UBA5: variants seen among roughly 807,000 people sequenced by gnomAD.
UBA5 encodes the protein ubiquitin like modifier activating enzyme 5.
In UBA5, 28 loss-of-function variants were observed where a neutral mutation model predicts 52.9. The ratio of observed to expected loss-of-function variants is 0.53; its 90% CI spans 0.39 to 0.73. The LOEUF (loss-of-function observed/expected upper bound fraction) is 0.73, where lower values mean the gene tolerates loss of function less well. Among genes scored for constraint, UBA5 ranks in the 30% least tolerant of loss-of-function variants. The probability of loss-of-function intolerance (pLI) is 0.00; values close to 1 mark genes in which losing one functional copy is unlikely to be tolerated. For synonymous variants in UBA5, 135 were observed against 162.1 expected, an observed-to-expected ratio of 0.83 and a Z score of 1.27; for missense variants, 388 against 492.7, an observed-to-expected ratio of 0.79 and a Z score of 2.01.
In UBA5 at chr3:132,679,448, ATCT is replaced by A. The variant is rs535970513; in HGVS notation, c.*2927_*2929del. The stretch of plus-strand genomic sequence containing the variant: ...ACACAAAGATGTTCCAGCTATTTTT[ATCT>A]TCTTAAGTATGCATTCTACATGAGA... On this transcript the variant is annotated 3_prime_UTR_variant, in exon 12 of 12. Coordinates refer to ENST00000356232, the MANE Select transcript of UBA5 (RefSeq NM_024818.6). Among the ~76,000 whole-genome samples, 1 of 152,226 alleles carries A rather than the reference ATCT, an allele frequency of 6.6e-6. No individual in the cohort carries two copies. Among genetic ancestry groups the A allele is most frequent in the Non-Finnish European group, 1.5e-5 (1 of 68,034 alleles).
In UBA5 at chr3:132,677,831, T is replaced by G. The variant is rs1047329209; in HGVS notation, c.*1305T>G. On this transcript the variant is annotated 3_prime_UTR_variant, in exon 12 of 12. Transcript: ENST00000356232. ...ATATATTAGTTTTGAGATGCTAGGA[T>G]TATACTGTGATTCTTATGTTTATAG... is the stretch of plus-strand genomic sequence containing the variant. 37 of 152,332 alleles carry G rather than the reference T, an allele frequency of 2.4e-4. No homozygotes were observed. The highest frequency in any genetic ancestry group is 2.1e-3 in the Admixed American group (32 of 15,304). 9.4% of individuals were successfully genotyped at this position (152,332 alleles called of 1,614,324 possible). A position where few individuals can be genotyped will look rare whatever the true frequency, so the allele number is the denominator to read the frequency against.
At chr3:132,656,326 T>C (rs550616006), upstream of UBA5, among the ~76,000 whole-genome samples, 30 of 152,318 alleles carry the variant, frequency 2.0e-4, no homozygotes, top group African/African-American at 6.7e-4. Flanking sequence ...ACAAGAAAAG[T>C]CTCAGGAGTA....
In UBA5 at chr3:132,679,435, T is replaced by C. The variant is rs1181687197; in HGVS notation, c.*2909T>C. On this transcript the variant is annotated 3_prime_UTR_variant, in exon 12 of 12. Transcript: ENST00000356232. Reference sequence around the variant, plus strand: ...TTCAAATATGCATACACAAAGATGTTCCAGCTATTTTTATCTTCTTAAGTA... The same window carrying C: ...TTCAAATATGCATACACAAAGATGTCCCAGCTATTTTTATCTTCTTAAGTA... Among the ~76,000 whole-genome samples the C allele has an allele frequency of 6.6e-6, 1 of 152,190 alleles. No individual in the cohort carries two copies. Among genetic ancestry groups the C allele is most frequent in the Non-Finnish European group, 1.5e-5 (1 of 68,020 alleles).
upstream of UBA5, chr3:132,659,653 C>G (rs1559984641): frequency 2.5e-6 from 4 of 1,611,644 alleles, no homozygotes; most frequent in Non-Finnish European, 2.5e-6. Context: ...CAAAGCCAGA[C>G]AAGTGCTGGT....
chr3:132,665,404 T>A (rs1215525772), intron 1 of UBA5, among the ~76,000 whole-genome samples: 2 of 152,076 alleles, frequency 1.3e-5, no homozygotes, highest in Non-Finnish European at 2.9e-5. Context: ...GTATACATCA[T>A]CTATTGTGGG....
intron 8 of UBA5, 23 bp from the exon 9 acceptor site, chr3:132,675,225 T>G (rs2107950089): frequency 7.2e-6 from 11 of 1,519,856 alleles, no homozygotes; most frequent in Non-Finnish European, 9.9e-6. Context: ...TTTCTTTATT[T>G]AAGTCTATTT....
In UBA5 at chr3:132,679,670, C is replaced by G. The variant is rs1938971655; in HGVS notation, c.*3144C>G. 6.6e-6 allele frequency among the ~76,000 whole-genome samples: 1 copy of G among 152,070 alleles called. No individual in the cohort carries two copies. Among genetic ancestry groups the G allele is most frequent in the Non-Finnish European group, 1.5e-5 (1 of 68,006 alleles). On this transcript the variant is annotated 3_prime_UTR_variant, in exon 12 of 12. Coordinates refer to ENST00000356232, the MANE Select transcript of UBA5 (RefSeq NM_024818.6). ...CTTTTATCAGGGTTCTTCTAGAGTA[C>G]TGGTCTCATTATTTTCTAAAGCAGT...
rs777264408 is a variant in UBA5, at chr3:132,671,057, T to C, written c.579+8T>C. On this transcript the variant is annotated splice_region_variant and intron_variant, in intron 6 of 11. Transcript: ENST00000356232. ...CGAATGACAATAAATACAGTGAGTA[T>C]TCCTGCTGTGCAAGATATATTCATG... The C allele has an allele frequency of 1.4e-5, 22 of 1,606,016 alleles. No homozygotes were observed. Among genetic ancestry groups the C allele is most frequent in the Non-Finnish European group, 1.7e-6 (2 of 1,173,294 alleles).
intron 5 of UBA5, 189 bp from the exon 6 acceptor site, chr3:132,670,776 C>T: frequency 2.5e-6 from 1 of 401,914 alleles, no homozygotes; most frequent in Non-Finnish European, 4.4e-6. Flanking sequence ...ACTGTAGTAT[C>T]ATTGATGTTA....
At chr3:132,667,723 T>C (rs1212831128) in intron 3 of UBA5, 2 of 152,110 alleles carry the variant, frequency 1.3e-5, no homozygotes, top group African/African-American at 4.8e-5. Context: ...GCCTAAAAAG[T>C]GAAAGTGATT....
intron 8 of UBA5, 70 bp from the exon 9 acceptor site, chr3:132,675,178 A>C: frequency 8.6e-7 from 1 of 1,164,232 alleles, no homozygotes; most frequent in Non-Finnish European, 1.2e-6. Context: ...GTTATTTTTA[A>C]AAAATTTAGG....
upstream of UBA5, chr3:132,660,147 T>G (rs1938064358): frequency 2.9e-6 from 1 of 345,236 alleles, no homozygotes. The surrounding 1 kb of genome is among the most constrained non-coding windows in gnomAD (Gnocchi z 4.1). Flanking sequence ...GCCGTCAGAC[T>G]GTCGAGCCTA....
intron 8 of UBA5, among the ~76,000 whole-genome samples, chr3:132,673,488 C>T (rs1938694086): frequency 6.6e-6 from 1 of 151,944 alleles, no homozygotes; most frequent in Admixed American, 6.6e-5. Context: ...GTTGGAAGTA[C>T]GAGTGTATGC....
chr3:132,661,017 A>G, intron 1 of UBA5: 1 of 1,407,570 alleles, frequency 7.1e-7, no homozygotes, highest in Non-Finnish European at 9.4e-7. Context: ...AAGAACTTTC[A>G]GAAGATGAGA....
Position 132,672,125 on chromosome 3 carries a change from C to T in UBA5, c.760C>T (p.Leu254Phe), listed in dbSNP as rs2107943722. ...LKREGVCAASLPTTMGVVAGI... is the reference protein window; with the variant it reads ...LKREGVCAASFPTTMGVVAGI... ...ACGAGAAGGTGTTTGTGCAGCCAGT[C>T]TTCCTACCACTATGGGTGTGGTTGC... Residue 254 changes from leucine (L) to phenylalanine (F), a missense_variant, in exon 8 of 12, where the codon CTT becomes TTT. By Grantham distance (22) the Leu-to-Phe change is conservative (BLOSUM62 0). Transcript: ENST00000356232. 1 of 1,614,010 alleles carries T rather than the reference C, an allele frequency of 6.2e-7. No homozygotes were observed. Among genetic ancestry groups the T allele is most frequent in the Non-Finnish European group, 8.5e-7 (1 of 1,179,954 alleles).
upstream of UBA5, chr3:132,660,254 C>T (rs1938071109): frequency 1.8e-6 from 1 of 551,704 alleles, no homozygotes; most frequent in South Asian, 2.1e-5. The surrounding 1 kb of genome is among the most constrained non-coding windows in gnomAD (Gnocchi z 4.1). Context: ...GCTGCTGCGG[C>T]CGGGTTTAGC....
In UBA5 at chr3:132,665,590, T is replaced by C. The variant is rs114916400; in HGVS notation, c.162-233T>C. On this transcript the variant is annotated intron_variant, in intron 1 of 11. Coordinates refer to ENST00000356232, the MANE Select transcript of UBA5 (RefSeq NM_024818.6). The stretch of plus-strand genomic sequence containing the variant: ...AATCTTGGCTGCAAATCAGAATACA[T>C]AGCTTTTAAAAACCAATCTTGTTTC... The C allele has an allele frequency of 2.4e-3, 1,182 of 489,266 alleles. 14 individuals carry two copies. Among genetic ancestry groups the C allele is most frequent in the African/African-American group, 0.021 (1,072 of 51,392 alleles). 30.3% of individuals were successfully genotyped at this position (489,266 alleles called of 1,614,324 possible).
chr3:132,659,646 A>G (rs754965052), upstream of UBA5: 2 of 1,611,302 alleles, frequency 1.2e-6, no homozygotes, highest in South Asian at 2.2e-5. Context: ...TCGGCCCCAA[A>G]GCCAGACAAG....
chr3:132,654,854 G>A (rs556793763), intron 1 of UBA5, among the ~76,000 whole-genome samples: 169 of 152,296 alleles, frequency 1.1e-3, no homozygotes, highest in Middle Eastern at 3.4e-3. Context: ...GCACTGATTC[G>A]TTGTGAAACT....
Sources: gnomAD v4.1 joint callset for allele counts (sites outside exome capture counted in the v4.1 genomes callset) on GRCh38, gnomAD v4.1.1 for gene constraint, Gnocchi (gnomAD v3.1) non-coding constraint, MANE v1.5 for transcripts, NCBI Gene and HGNC (gene_info 2026-07-23, HGNC 2026-07-21) for gene names.